SYT4: variants seen among roughly 807,000 people sequenced by gnomAD.
SYT4 encodes the protein synaptotagmin 4, also known as synaptotagmin-4.
SYT4 carries 7 observed loss-of-function variants against 32.9 expected under a neutral mutation model. The ratio of observed to expected loss-of-function variants is 0.21; its 90% confidence interval spans 0.12 to 0.40. The LOEUF (loss-of-function observed/expected upper bound fraction) is 0.40. SYT4 is among the 10% of genes least tolerant of loss of function. The pLI, the probability that SYT4 is intolerant of heterozygous loss-of-function variation, is 1.00. For synonymous variants in SYT4, 205 were observed against 186.2 expected (o/e 1.10, Z -0.82); for missense variants, 480 against 488.0 (o/e 0.98, Z 0.16).
intron 2 of SYT4, among the ~76,000 whole-genome samples, chr18:43,272,510 G>C (rs1476320380): frequency 6.6e-6 from 1 of 152,068 alleles, no homozygotes; most frequent in Non-Finnish European, 1.5e-5. Flanking sequence ...GATTTCATTT[G>C]TACTTTAAAG....
At chr18:43,273,524 C>A in intron 2 of SYT4, 56 bp downstream of exon 2, 1 of 1,307,074 alleles carries the variant, frequency 7.7e-7, no homozygotes, top group Non-Finnish European at 1.0e-6. Context: ...CCTTAGACAC[C>A]AAAATGCTAC....
chr18:43,274,901 C>T (rs989628999), intron 1 of SYT4, among the ~76,000 whole-genome samples: 3 of 151,990 alleles, frequency 2.0e-5, no homozygotes, highest in Admixed American at 1.3e-4. Context: ...ATGATATTTG[C>T]CATTGCCACA....
In SYT4 at chr18:43,274,004, C is replaced by G. The variant is rs16977447; in HGVS notation, c.425G>C (p.Ser142Thr). ...TTTCTCTTCTGAAGTAAGGGAAGTG[C>G]TGGACTTTAAACTCTCAGGGGAAAC... The part of the protein sequence containing the change: ...ESVSPESLKS[S>T]TSLTSEEKQE... Residue 142 changes from serine to threonine, a missense_variant, in exon 2 of 4, where the codon AGC becomes ACC. Physicochemically the swap from Ser to Thr is moderately conservative, Grantham distance 58. Coordinates refer to ENST00000255224, the MANE Select transcript of SYT4 (RefSeq NM_020783.4). 2 of 1,613,878 alleles carry G rather than the reference C, an allele frequency of 1.2e-6. No individual in the cohort carries two copies. The highest frequency in any genetic ancestry group is 2.2e-5 in the South Asian group (2 of 91,066).
At chr18:43,276,480 A>G (rs983134222) in intron 1 of SYT4, among the ~76,000 whole-genome samples, 1 of 152,132 alleles carries the variant, frequency 6.6e-6, no homozygotes, top group African/African-American at 2.4e-5. Context: ...GTACTTTTTT[A>G]CTCTATGAAG....
rs754111850 is a variant in SYT4 at position 43,268,604 on chromosome 18, C to T, written c.*1737G>A. ...CCATTTGACTTCCCCAAACTACACA[C>T]CTACTACAGTTCATTTCATGTTGCT... is the stretch of plus-strand genomic sequence containing the variant. On this transcript the variant is annotated 3_prime_UTR_variant, in exon 4 of 4. Transcript: ENST00000255224. The T allele has an allele frequency of 1.5e-4, 23 of 152,570 alleles. No individual in the cohort carries two copies. Among genetic ancestry groups the T allele is most frequent in the Non-Finnish European group, 2.6e-4 (18 of 68,062 alleles). 9.5% of individuals were successfully genotyped at this position (152,570 alleles called of 1,614,324 possible). A position where few individuals can be genotyped will look rare whatever the true frequency, so the allele number is the denominator to read the frequency against.
rs1358280146 is a variant in SYT4, at chr18:43,270,361, G to T, written c.1258C>A (p.His420Asn). 6.2e-7 allele frequency: 1 copy of T among 1,613,912 alleles called. No individual in the cohort carries two copies. The highest frequency in any genetic ancestry group is 8.5e-7 in the Non-Finnish European group (1 of 1,179,866). Residue 420 changes from histidine to asparagine, a missense_variant, in exon 4 of 4, where the codon CAC becomes AAC. Transcript: ENST00000255224. ...DYPRRQIAKW[H>N]VLCDG The stretch of plus-strand genomic sequence containing the variant: ...GGATGCTAACCATCACAGAGCACGT[G>T]CCACTTGGCAATTTGTCTCCTGGGG...
chr18:43,274,483 C>T (rs2144368633), intron 1 of SYT4, 89 bp from the exon 2 acceptor site: 2 of 1,053,354 alleles, frequency 1.9e-6, no homozygotes, highest in Non-Finnish European at 2.7e-6. Flanking sequence ...CTAGCAATTG[C>T]TATAGGTTGG....
rs755762401 is a variant in SYT4, at chr18:43,274,346, A to G, written c.83T>C (p.Phe28Ser). The G allele has an allele frequency of 1.9e-6, 3 of 1,611,886 alleles. No individual in the cohort carries two copies. In the South Asian group the frequency reaches 3.3e-5, roughly 18 times the overall value. Residue 28 changes from phenylalanine to serine, a missense_variant, in exon 2 of 4, where the codon TTC becomes TCC. Physicochemically the swap from Phe to Ser is radical, Grantham distance 155. Transcript: ENST00000255224. Reference sequence around the variant, plus strand: ...GATCCATGCAAAGAGAGAGACTGTGAAGACCAGGCCAAATGCACTGAAGAT... The same window carrying G: ...GATCCATGCAAAGAGAGAGACTGTGGAGACCAGGCCAAATGCACTGAAGAT... ...VGIFSAFGLVFTVSLFAWICC... is the reference protein window; with the variant it reads ...VGIFSAFGLVSTVSLFAWICC...
In SYT4 at chr18:43,270,159, G is replaced by T; in HGVS notation, c.*182C>A. 1.6e-6 allele frequency: 1 copy of T among 643,152 alleles called. No individual in the cohort carries two copies. Among genetic ancestry groups the T allele is most frequent in the Non-Finnish European group, 2.7e-6 (1 of 374,112 alleles). 39.8% of individuals were successfully genotyped at this position (643,152 alleles called of 1,614,324 possible). ...ATTTATCCAACTCTTCTAATAAATAGGGAAATTATCATAATACACATTTGA... is the reference window on the plus strand; with the variant it reads ...ATTTATCCAACTCTTCTAATAAATATGGAAATTATCATAATACACATTTGA... On this transcript the variant is annotated 3_prime_UTR_variant, in exon 4 of 4. Coordinates refer to ENST00000255224, the MANE Select transcript of SYT4 (RefSeq NM_020783.4).
At position 43,277,371 on chromosome 18, in the gene SYT4, G is replaced by C; in HGVS notation, c.-90C>G. ...GATCTCAAGCGCCGGCTTTCGGAGCGCTGAAAACAACAGCGCAGAGCCCAG... is the reference window on the plus strand; with the variant it reads ...GATCTCAAGCGCCGGCTTTCGGAGCCCTGAAAACAACAGCGCAGAGCCCAG... On this transcript the variant is annotated 5_prime_UTR_variant, in exon 1 of 4. Coordinates refer to ENST00000255224, the MANE Select transcript of SYT4 (RefSeq NM_020783.4). 1 of 1,538,046 alleles carries C rather than the reference G, an allele frequency of 6.5e-7. No homozygotes were observed. The highest frequency in any genetic ancestry group is 9.0e-7 in the Non-Finnish European group (1 of 1,112,626).
Position 43,277,365 on chromosome 18 carries a change from C to A in SYT4, c.-84G>T, listed in dbSNP as rs927803179. The A allele has an allele frequency of 6.4e-7, 1 of 1,570,396 alleles. No homozygotes were observed. Among genetic ancestry groups the A allele is most frequent in the South Asian group, 1.1e-5 (1 of 89,886 alleles). ...TGCCTGGATCTCAAGCGCCGGCTTTCGGAGCGCTGAAAACAACAGCGCAGA... is the reference window on the plus strand; with the variant it reads ...TGCCTGGATCTCAAGCGCCGGCTTTAGGAGCGCTGAAAACAACAGCGCAGA... On this transcript the variant is annotated 5_prime_UTR_variant, in exon 1 of 4. Coordinates refer to ENST00000255224, the MANE Select transcript of SYT4 (RefSeq NM_020783.4).
intron 1 of SYT4, among the ~76,000 whole-genome samples, chr18:43,275,519 TAA>T (rs1908765646): frequency 2.0e-5 from 3 of 152,214 alleles, no homozygotes; most frequent in Middle Eastern, 3.4e-3. Flanking sequence ...TAGTAAATAA[TAA>T]AGTTATAAGT....
In SYT4 at chr18:43,273,888, GC is replaced by G. The variant is rs1378055720; in HGVS notation, c.540del (p.Leu180PhefsTer9). ...FVVNIKEARG[L>X]PAMDEQSMTS... ...GTCATCGACTGCTCATCCATGGCTG[GC>G]AAGCCACGGGCTTCCTTGATATTGA... On this transcript the variant is annotated frameshift_variant, in exon 2 of 4. Transcript: ENST00000255224. LOFTEE classifies it high-confidence loss of function. 6.2e-7 allele frequency: 1 copy of G among 1,613,962 alleles called. No homozygotes were observed. Among genetic ancestry groups the G allele is most frequent in the Non-Finnish European group, 8.5e-7 (1 of 1,179,942 alleles).
chr18:43,277,215 T>C (rs1196922173), intron 1 of SYT4, 33 bp downstream of exon 1: 1 of 1,613,692 alleles, frequency 6.2e-7, no homozygotes, highest in Admixed American at 1.7e-5. Flanking sequence ...ATTCAAGGAA[T>C]AACCGCAGTC....
intron 1 of SYT4, 47 bp from the exon 2 acceptor site, chr18:43,274,441 G>A (rs1908730983): frequency 1.4e-6 from 2 of 1,460,978 alleles, no homozygotes; most frequent in South Asian, 2.7e-5. Flanking sequence ...AGCAGAGCTG[G>A]AGATATGAGC....
chr18:43,276,877 TCTC>T (rs1908811088), intron 1 of SYT4, among the ~76,000 whole-genome samples: 2 of 152,130 alleles, frequency 1.3e-5, no homozygotes. Flanking sequence ...ATATTTATCT[TCTC>T]CTAATAAAAT....
chr18:43,271,909 A>G, intron 2 of SYT4, 77 bp from the exon 3 acceptor site: 7 of 1,380,400 alleles, frequency 5.1e-6, no homozygotes, highest in South Asian at 1.4e-5. Flanking sequence ...AAGTTTAAAT[A>G]ACATCGTCAT....
rs935874291 is a variant in SYT4 at position 43,274,079 on chromosome 18, T to A, written c.350A>T (p.Asp117Val). ...KTNLKPGSPSDLENATPKLFL... is the reference protein window; with the variant it reads ...KTNLKPGSPSVLENATPKLFL... ...GAGCTTCGGGGTTGCATTCTCCAGA[T>A]CAGAAGGACTGCCAGGTTTGAGGTT... Residue 117 changes from aspartate (D) to valine (V), a missense_variant, in exon 2 of 4, where the codon GAT becomes GTT. Asp to Val is a radical substitution (Grantham distance 152). Transcript: ENST00000255224. The A allele has an allele frequency of 3.7e-6, 6 of 1,613,940 alleles. No individual in the cohort carries two copies. The highest frequency in any genetic ancestry group is 5.1e-6 in the Non-Finnish European group (6 of 1,179,962).
chr18:43,274,466 A>AGCT, intron 1 of SYT4, 72 bp from the exon 2 acceptor site: 3 of 1,248,328 alleles, frequency 2.4e-6, no homozygotes, highest in Non-Finnish European at 3.3e-6. Flanking sequence ...TGAAAAGCCT[A>AGCT]ATAGAGCTAG....
Sources: allele counts gnomAD v4.1 joint callset (sites outside exome capture counted in the v4.1 genomes callset), GRCh38; gene constraint gnomAD v4.1.1; transcripts MANE v1.5; gene names NCBI Gene and HGNC (gene_info 2026-07-23, HGNC 2026-07-21).